The following ZNF609 variants were observed in gnomAD, a reference collection of about 807,000 sequenced individuals.
ZNF609 encodes zinc finger protein 609.
ZNF609 carries 11 observed loss-of-function variants against 109.5 expected under a neutral mutation model. The ratio of observed to expected loss-of-function variants is 0.10; its 90% CI spans 0.06 to 0.17. ZNF609 has a LOEUF of 0.17. ZNF609 is among the 10% of genes least tolerant of loss of function. ZNF609 has a pLI of 1.00. For synonymous variants in ZNF609, 646 were observed against 662.0 expected, an observed-to-expected ratio of 0.98 and a Z score of 0.37; for missense variants, 1,559 against 1,772.4, an observed-to-expected ratio of 0.88 and a Z score of 2.16.
chr15:64,597,123 A>C (rs1158189576), intron 2 of ZNF609, among the ~76,000 whole-genome samples: 1 of 152,142 alleles, frequency 6.6e-6, no homozygotes, highest in African/African-American at 2.4e-5. Context: ...GGGAGGAAGG[A>C]TGGAATGACA....
At chr15:64,619,988 A>T (rs1381808515) in intron 2 of ZNF609, among the ~76,000 whole-genome samples, 1 of 152,194 alleles carries the variant, frequency 6.6e-6, no homozygotes, top group African/African-American at 2.4e-5. Flanking sequence ...CTACTTCCAG[A>T]AAAGAGCTGT....
At chr15:64,654,956 C>T (rs951016526) in intron 3 of ZNF609, among the ~76,000 whole-genome samples, 13 of 151,774 alleles carry the variant, frequency 8.6e-5, no homozygotes, top group South Asian at 6.2e-4. Context: ...ATTAGCTGAG[C>T]GTGGTGATGG....
intron 2 of ZNF609, among the ~76,000 whole-genome samples, chr15:64,553,236 C>T (rs1894515136): frequency 6.7e-6 from 1 of 149,416 alleles, no homozygotes; most frequent in African/African-American, 2.5e-5. Context: ...GATTATTTGT[C>T]ATAAACATTT....
At chr15:64,603,584 T>G (rs1317005820) in intron 2 of ZNF609, among the ~76,000 whole-genome samples, 1 of 151,930 alleles carries the variant, frequency 6.6e-6, no homozygotes, top group Non-Finnish European at 1.5e-5. Context: ...TGCCTTTCTT[T>G]ATCATGACAA....
chr15:64,549,807 A>G (rs1894434413), intron 2 of ZNF609, among the ~76,000 whole-genome samples: 1 of 152,086 alleles, frequency 6.6e-6, no homozygotes, highest in African/African-American at 2.4e-5. Context: ...TATTTTTGAG[A>G]TGGGATCTCA....
intron 3 of ZNF609, among the ~76,000 whole-genome samples, chr15:64,627,908 C>T (rs192247368): frequency 6.8e-4 from 102 of 150,804 alleles, no homozygotes; most frequent in African/African-American, 2.3e-3. Flanking sequence ...GACCATCCCA[C>T]CTCAGCCTCC....
intron 3 of ZNF609, among the ~76,000 whole-genome samples, chr15:64,637,994 T>TTATATATATATA (rs3057845): frequency 3.2e-4 from 43 of 134,350 alleles, no homozygotes; most frequent in African/African-American, 1.1e-3. Flanking sequence ...GAACCTTGTT[T>TTATATATATATA]TATATATATA....
chr15:64,674,106 GAGC>G lies in ZNF609; in HGVS notation c.1254_1256del (p.Glu418_His419delinsAsp). The G allele has an allele frequency of 1.2e-6, 2 of 1,614,210 alleles. No individual in the cohort carries two copies. The highest frequency in any genetic ancestry group is 2.2e-5 in the South Asian group (2 of 91,088). ...CCGTCGGGGCAGCCAGAATTCTTCA[GAGC>G]ACCGCCCACCTGCCAGCAGCACTTC... On this transcript the variant is annotated inframe_deletion, in exon 5 of 10. Transcript: ENST00000326648.
chr15:64,472,178 G>T (rs1319135957), intron 1 of ZNF609, among the ~76,000 whole-genome samples: 3 of 152,186 alleles, frequency 2.0e-5, no homozygotes, highest in Non-Finnish European at 4.4e-5. Flanking sequence ...CTCCCAAAGT[G>T]CTGGGATTAC....
intron 2 of ZNF609, among the ~76,000 whole-genome samples, chr15:64,582,125 C>A (rs528261140): frequency 1.3e-5 from 2 of 152,260 alleles, no homozygotes; most frequent in Admixed American, 1.3e-4. Context: ...TACTCTAGAC[C>A]AGTGCACCAG....
chr15:64,485,137 T>G (rs1352667610), intron 1 of ZNF609, among the ~76,000 whole-genome samples: 2 of 152,316 alleles, frequency 1.3e-5, no homozygotes, highest in East Asian at 3.9e-4. Flanking sequence ...TTGTTTATAT[T>G]TGTGATACTG....
intron 2 of ZNF609, among the ~76,000 whole-genome samples, chr15:64,558,020 A>G (rs1894618800): frequency 1.3e-5 from 2 of 152,202 alleles, no homozygotes; most frequent in African/African-American, 4.8e-5. Context: ...CCAGGAAATC[A>G]CTTTATAGTC....
intron 2 of ZNF609, among the ~76,000 whole-genome samples, chr15:64,515,794 C>A (rs1352546889): frequency 6.6e-6 from 1 of 151,632 alleles, no homozygotes; most frequent in African/African-American, 2.4e-5. Flanking sequence ...AAAAATTAGC[C>A]GGTCGTGGTG....
chr15:64,478,070 C>T (rs1893197527), intron 1 of ZNF609, among the ~76,000 whole-genome samples: 1 of 151,932 alleles, frequency 6.6e-6, no homozygotes, highest in Admixed American at 6.6e-5. Flanking sequence ...TTTATACCAC[C>T]AGCTTGTGTA....
intron 2 of ZNF609, among the ~76,000 whole-genome samples, chr15:64,573,705 C>T (rs1242925496): frequency 6.6e-6 from 1 of 152,132 alleles, no homozygotes; most frequent in Non-Finnish European, 1.5e-5. Flanking sequence ...AGGGATCCAT[C>T]TCCTGCCTAT....
At chr15:64,556,148 C>G (rs1218541166) in intron 2 of ZNF609, among the ~76,000 whole-genome samples, 1 of 65,858 alleles carries the variant, frequency 1.5e-5, no homozygotes, top group Non-Finnish European at 3.8e-5. Context: ...ACACACCACA[C>G]CTGGCCAATT....
chr15:64,594,867 A>G (rs1385294998), intron 2 of ZNF609, among the ~76,000 whole-genome samples: 1 of 151,132 alleles, frequency 6.6e-6, no homozygotes, highest in African/African-American at 2.4e-5. Flanking sequence ...TCTACTAAAA[A>G]TACAAAAAAT....
intron 2 of ZNF609, among the ~76,000 whole-genome samples, chr15:64,608,017 G>T (rs1410491270): frequency 6.9e-6 from 1 of 144,740 alleles, no homozygotes; most frequent in Non-Finnish European, 1.5e-5. Context: ...TCCTGCCTCA[G>T]CTTCCTGAGT....
chr15:64,681,673 G>A lies in ZNF609; in HGVS notation c.*6-19G>A, dbSNP rs1005701824. ...CAACAGGCTGAGTGCCTGGTTATCTGTCCATGTTTCCCTTGCAGACACCAA... is the reference window on the plus strand; with the variant it reads ...CAACAGGCTGAGTGCCTGGTTATCTATCCATGTTTCCCTTGCAGACACCAA... On this transcript the variant is annotated intron_variant, in intron 9 of 9. Transcript: ENST00000326648. 1.6e-5 allele frequency: 5 copies of A among 318,798 alleles called. No homozygotes were observed. Among genetic ancestry groups the A allele is most frequent in the South Asian group, 8.5e-5 (1 of 11,752 alleles). The allele number at this position is 318,798 out of a possible 1,614,324, so 19.7% of individuals were successfully genotyped here.
Sources: allele counts gnomAD v4.1 joint callset (sites outside exome capture counted in the v4.1 genomes callset), GRCh38; gene constraint gnomAD v4.1.1; transcripts MANE v1.5; gene names NCBI Gene and HGNC (gene_info 2026-07-23, HGNC 2026-07-21).